SHISA9: variants seen among roughly 807,000 people sequenced by gnomAD.
SHISA9 encodes shisa family member 9, also known as protein shisa-9.
A neutral mutation model predicts 38.0 loss-of-function variants in SHISA9; 13 were observed. That is an observed-to-expected ratio of 0.34 (90% CI 0.22 to 0.54). SHISA9 has a LOEUF of 0.54. Among genes scored for constraint, SHISA9 ranks in the 20% least tolerant of loss-of-function variants. SHISA9 has a pLI of 0.91. For missense variants in SHISA9, 538 were observed against 575.8 expected (o/e 0.93, Z 0.67); for synonymous variants, 275 against 242.0 (o/e 1.14, Z -1.27).
At chr16:12,975,338 A>T (rs574311381) in intron 2 of SHISA9, among the ~76,000 whole-genome samples, 1 of 152,054 alleles carries the variant, frequency 6.6e-6, no homozygotes, top group East Asian at 1.9e-4. Context: ...CCCTGTCTCT[A>T]CCAAAAATAC....
chr16:13,257,730 TTAAC>T, the SHISA9 span, among the ~76,000 whole-genome samples: 1 of 152,226 alleles, frequency 6.6e-6, no homozygotes, highest in African/African-American at 2.4e-5. Context: ...GTAAAAGCCC[TTAAC>T]ATGACTTTTA....
the SHISA9 span, among the ~76,000 whole-genome samples, chr16:13,497,685 C>CAAAAAAAAA: frequency 9.4e-6 from 1 of 106,358 alleles, no homozygotes. Context: ...ACTCCGTCTC[C>CAAAAAAAAA]AAAAAAAAAA....
the SHISA9 span, among the ~76,000 whole-genome samples, chr16:13,383,807 G>A: frequency 1.3e-5 from 2 of 152,168 alleles, no homozygotes; most frequent in Admixed American, 6.5e-5. Flanking sequence ...GAGCCACTAT[G>A]CCTGGCTGAT....
At chr16:13,152,821 T>C (rs188054563) in intron 2 of SHISA9, among the ~76,000 whole-genome samples, 22 of 152,322 alleles carry the variant, frequency 1.4e-4, no homozygotes, top group African/African-American at 5.1e-4. Context: ...AATTGGAAAC[T>C]ACATAAATAT....
intron 2 of SHISA9, among the ~76,000 whole-genome samples, chr16:12,973,771 G>A (rs2072117361): frequency 6.6e-6 from 1 of 152,094 alleles, no homozygotes; most frequent in South Asian, 2.1e-4. Flanking sequence ...CACTGATTTG[G>A]GCACAGTGGA....
At chr16:13,230,382 T>C (rs914453225) in intron 4 of SHISA9, among the ~76,000 whole-genome samples, 9 of 151,520 alleles carry the variant, frequency 5.9e-5, no homozygotes, top group African/African-American at 2.2e-4. Context: ...TCAAAGGGGG[T>C]AGGAGAAAGG....
the SHISA9 span, among the ~76,000 whole-genome samples, chr16:13,488,170 A>G: frequency 6.6e-6 from 1 of 152,100 alleles, no homozygotes; most frequent in South Asian, 2.1e-4. Flanking sequence ...CTGAGCCCCT[A>G]ATGGCTTTAC....
chr16:13,235,595 G>C lies in SHISA9; in HGVS notation c.*186G>C. The C allele has an allele frequency of 1.4e-6, 1 of 722,160 alleles. No homozygotes were observed. The highest frequency in any genetic ancestry group is 1.8e-5 in the African/African-American group (1 of 56,192). 44.7% of individuals were successfully genotyped at this position (722,160 alleles called of 1,614,324 possible). Reference sequence around the variant, plus strand: ...TCCTAGGTCATGCCTGTAACGTGTCGGCGGGCAGCTGAGAAAGACCGAAGC... The same window carrying C: ...TCCTAGGTCATGCCTGTAACGTGTCCGCGGGCAGCTGAGAAAGACCGAAGC... On this transcript the variant is annotated 3_prime_UTR_variant, in exon 5 of 5. Transcript: ENST00000558583.
At chr16:12,917,868 A>T (rs1356427495) in intron 2 of SHISA9, among the ~76,000 whole-genome samples, 4 of 152,194 alleles carry the variant, frequency 2.6e-5, no homozygotes, top group Non-Finnish European at 5.9e-5. Flanking sequence ...TATTTGCTGA[A>T]TCATAGTTTT....
At chr16:13,367,678 A>T in the SHISA9 span, among the ~76,000 whole-genome samples, 1 of 144,660 alleles carries the variant, frequency 6.9e-6, no homozygotes, top group Non-Finnish European at 1.5e-5. Flanking sequence ...ATGTTTCCTG[A>T]AGTGTACACG....
intron 2 of SHISA9, among the ~76,000 whole-genome samples, chr16:13,155,473 G>T (rs2050535897): frequency 6.6e-6 from 1 of 152,212 alleles, no homozygotes; most frequent in African/African-American, 2.4e-5. Flanking sequence ...TTGAGAAAAT[G>T]ATGTTGACTA....
At chr16:13,447,058 A>T in the SHISA9 span, among the ~76,000 whole-genome samples, 1 of 149,840 alleles carries the variant, frequency 6.7e-6, no homozygotes, top group Admixed American at 6.6e-5. Flanking sequence ...GAGAGAGAGA[A>T]AGAAAGAATA....
chr16:13,486,950 T>G, the SHISA9 span, among the ~76,000 whole-genome samples: 1 of 152,234 alleles, frequency 6.6e-6, no homozygotes, highest in African/African-American at 2.4e-5. Context: ...GTGATCCACC[T>G]GCCTTGGCCT....
At chr16:12,913,157 T>G (rs1277626815) in intron 1 of SHISA9, among the ~76,000 whole-genome samples, 1 of 152,222 alleles carries the variant, frequency 6.6e-6, no homozygotes, top group Non-Finnish European at 1.5e-5. Flanking sequence ...ATATATAGGT[T>G]GGTGCAAAAG....
intron 2 of SHISA9, among the ~76,000 whole-genome samples, chr16:13,150,470 C>T (rs978775908): frequency 6.6e-6 from 1 of 152,072 alleles, no homozygotes; most frequent in African/African-American, 2.4e-5. Flanking sequence ...TTGTCAGCAG[C>T]AAGAGACACA....
At chr16:13,336,129 A>T in the SHISA9 span, among the ~76,000 whole-genome samples, 1 of 152,180 alleles carries the variant, frequency 6.6e-6, no homozygotes, top group East Asian at 1.9e-4. Flanking sequence ...AGCTAGTGGA[A>T]AGGTCACGTG....
intron 2 of SHISA9, chr16:13,082,295 C>T (rs2073659919): frequency 6.6e-6 from 1 of 152,132 alleles, no homozygotes; most frequent in Non-Finnish European, 1.5e-5. Flanking sequence ...ACTAAAGCAA[C>T]AGGAAAATCA....
At chr16:13,214,105 C>G (rs2142066304) in intron 4 of SHISA9, among the ~76,000 whole-genome samples, 1 of 152,290 alleles carries the variant, frequency 6.6e-6, no homozygotes, top group Admixed American at 6.5e-5. Flanking sequence ...GGAAGCAGCT[C>G]TTTTTAGAAT....
the SHISA9 span, among the ~76,000 whole-genome samples, chr16:13,458,889 C>T: frequency 5.3e-5 from 8 of 150,490 alleles, no homozygotes; most frequent in Non-Finnish European, 1.2e-4. Flanking sequence ...TTTTTTAAGA[C>T]GGAGTTTCGC....
Sources: gnomAD v4.1 joint callset for allele counts (sites outside exome capture counted in the v4.1 genomes callset) on GRCh38, gnomAD v4.1.1 for gene constraint, MANE v1.5 for transcripts, NCBI Gene and HGNC (gene_info 2026-07-23, HGNC 2026-07-21) for gene names.